XKR9: variants seen among roughly 807,000 people sequenced by gnomAD.
XKR9 encodes the protein XK related 9.
In XKR9, 32 loss-of-function variants were observed where a neutral mutation model predicts 32.0. That is an observed-to-expected ratio of 1.00 (90% CI 0.76 to 1.34). XKR9 has a LOEUF of 1.34. Ranked by LOEUF, XKR9 falls within the 40% of genes most tolerant of loss-of-function variation. The pLI, the probability that XKR9 is intolerant of heterozygous loss-of-function variation, is 0.00. For synonymous variants in XKR9, 168 were observed against 143.4 expected (o/e 1.17, Z -1.22); for missense variants, 546 against 429.7 (o/e 1.27, Z -2.39).
At chr8:71,019,569 G>A in the XKR9 span, among the ~76,000 whole-genome samples, 9 of 152,166 alleles carry the variant, frequency 5.9e-5, no homozygotes, top group Admixed American at 3.9e-4. Context: ...AGAGTCTTTA[G>A]GAGAACACAG....
intron 2 of XKR9, among the ~76,000 whole-genome samples, chr8:70,760,608 C>A (rs766289901): frequency 6.6e-6 from 1 of 152,180 alleles, no homozygotes; most frequent in Non-Finnish European, 1.5e-5. Context: ...GGAGTACAGG[C>A]AGGTGCCACT....
intron 2 of XKR9, among the ~76,000 whole-genome samples, chr8:70,771,811 G>T (rs1453751366): frequency 6.6e-6 from 1 of 152,154 alleles, no homozygotes; most frequent in Admixed American, 6.6e-5. Flanking sequence ...TGAGGTTTGG[G>T]TGAAGCAGAT....
At chr8:70,780,600 A>T (rs138493115) in intron 2 of XKR9, among the ~76,000 whole-genome samples, 1 of 152,266 alleles carries the variant, frequency 6.6e-6, no homozygotes, top group African/African-American at 2.4e-5. Flanking sequence ...GGCAAGGAAG[A>T]ATTCTTCCCT....
chr8:70,897,471 G>A, the XKR9 span, among the ~76,000 whole-genome samples: 1 of 152,112 alleles, frequency 6.6e-6, no homozygotes, highest in African/African-American at 2.4e-5. Flanking sequence ...ATTCTCCATA[G>A]TGGTTATACT....
At chr8:71,062,243 G>A in the XKR9 span, among the ~76,000 whole-genome samples, 8 of 151,978 alleles carry the variant, frequency 5.3e-5, no homozygotes, top group Admixed American at 5.2e-4. Context: ...GTCTATTCAG[G>A]ATGCTATAAG....
chr8:70,770,580 G>T (rs1189625934), intron 2 of XKR9, among the ~76,000 whole-genome samples: 1 of 151,910 alleles, frequency 6.6e-6, no homozygotes, highest in Non-Finnish European at 1.5e-5. Context: ...CCCTGACTGG[G>T]GCTGCTGTCT....
the XKR9 span, among the ~76,000 whole-genome samples, chr8:70,973,906 C>T: frequency 6.6e-6 from 1 of 152,036 alleles, no homozygotes; most frequent in Non-Finnish European, 1.5e-5. Context: ...GGAGAATGTT[C>T]CATGTGCTGA....
At chr8:70,947,394 C>A in the XKR9 span, among the ~76,000 whole-genome samples, 1 of 152,034 alleles carries the variant, frequency 6.6e-6, no homozygotes, top group African/African-American at 2.4e-5. Context: ...AACAAGGAGA[C>A]TAGAGAAAGG....
chr8:70,786,424 C>T (rs1015682083), intron 2 of XKR9, among the ~76,000 whole-genome samples: 7 of 151,938 alleles, frequency 4.6e-5, no homozygotes, highest in Admixed American at 4.6e-4. Context: ...CCCTTCAGAC[C>T]CTTTAATATT....
rs138991172 is a variant in XKR9, at chr8:70,674,348, C to T, written c.-360-470C>T. On this transcript the variant is annotated intron_variant, in intron 1 of 4. Coordinates refer to ENST00000408926, the MANE Select transcript of XKR9 (RefSeq NM_001011720.2). ...TCAGATAGATGGCAGTTATTCTAGA[C>T]AGCAGTAAATAACCTTGAGCAAAGG... is the stretch of plus-strand genomic sequence containing the variant. Among the ~76,000 whole-genome samples the T allele has an allele frequency of 6.7e-3, 1,019 of 152,216 alleles. 5 individuals carry two copies. Among genetic ancestry groups the T allele is most frequent in the South Asian group, 0.018 (85 of 4,824 alleles).
chr8:70,986,010 T>C, the XKR9 span, among the ~76,000 whole-genome samples: 4,389 of 152,248 alleles, frequency 0.029, 187 homozygotes, highest in African/African-American at 0.1. Flanking sequence ...TTTGGTGAAA[T>C]TCCTTATATC....
At chr8:70,993,654 C>T in the XKR9 span, among the ~76,000 whole-genome samples, 1 of 150,620 alleles carries the variant, frequency 6.6e-6, no homozygotes, top group Admixed American at 6.6e-5. Flanking sequence ...TCCTTCCTTC[C>T]TTCCTTCCTT....
intron 2 of XKR9, among the ~76,000 whole-genome samples, chr8:70,743,135 C>A (rs1807012065): frequency 6.6e-6 from 1 of 151,896 alleles, no homozygotes; most frequent in African/African-American, 2.4e-5. Context: ...TTGGAGTTTT[C>A]TTCAGGTTGA....
the XKR9 span, among the ~76,000 whole-genome samples, chr8:70,950,503 G>T: frequency 6.6e-6 from 1 of 152,106 alleles, no homozygotes; most frequent in Admixed American, 6.5e-5. Context: ...GTAATAGAGA[G>T]ATAGGGAAGA....
chr8:70,707,109 A>C lies in XKR9; in HGVS notation c.449A>C (p.Gln150Pro), dbSNP rs767363888. The C allele has an allele frequency of 6.2e-7, 1 of 1,613,264 alleles. No homozygotes were observed. Among genetic ancestry groups the C allele is most frequent in the African/African-American group, 1.3e-5 (1 of 74,908 alleles). Residue 150 changes from glutamine to proline, a missense_variant, in exon 4 of 5, where the codon CAA (glutamine) becomes CCA (proline). Physicochemically the swap from Gln to Pro is moderately conservative, Grantham distance 76 (BLOSUM62 -1). Coordinates refer to ENST00000408926, the MANE Select transcript of XKR9 (RefSeq NM_001011720.2). ...GAAGGCTGCCCACAACTTATTCTTC[A>C]ACTCTACATTCTTCTGGAGCATGGA... ...YLEGCPQLILQLYILLEHGQA... is the reference protein window; with the variant it reads ...YLEGCPQLILPLYILLEHGQA...
chr8:71,052,129 G>C, the XKR9 span, among the ~76,000 whole-genome samples: 2 of 152,200 alleles, frequency 1.3e-5, no homozygotes, highest in Admixed American at 1.3e-4. Flanking sequence ...TCAGCTCAGG[G>C]AAGAAAGCTT....
chr8:71,058,130 G>A, the XKR9 span, among the ~76,000 whole-genome samples: 4 of 151,878 alleles, frequency 2.6e-5, no homozygotes, highest in African/African-American at 9.7e-5. Flanking sequence ...GCAGTGAGCC[G>A]AGATCGCGCC....
chr8:70,798,607 T>C, the XKR9 span, among the ~76,000 whole-genome samples: 1 of 152,360 alleles, frequency 6.6e-6, no homozygotes, highest in Middle Eastern at 3.4e-3. Flanking sequence ...TTTGAGGTTT[T>C]TGTCATGGAA....
chr8:70,803,738 G>A, the XKR9 span, among the ~76,000 whole-genome samples: 1 of 152,180 alleles, frequency 6.6e-6, no homozygotes, highest in Non-Finnish European at 1.5e-5. Flanking sequence ...TTGTACCCAT[G>A]TTTCTTTTGT....
Sources: gnomAD v4.1 joint callset for allele counts (sites outside exome capture counted in the v4.1 genomes callset) on GRCh38, gnomAD v4.1.1 for gene constraint, MANE v1.5 for transcripts, NCBI Gene and HGNC (gene_info 2026-07-23, HGNC 2026-07-21) for gene names.